The following PCDH10 variants were observed in gnomAD, a reference collection of about 807,000 sequenced individuals.
PCDH10 encodes the protein protocadherin-10.
Under a neutral mutation model 74.4 loss-of-function variants are expected in PCDH10, and 15 were observed. That is an observed-to-expected ratio of 0.20 (90% confidence interval 0.13 to 0.31). The LOEUF (loss-of-function observed/expected upper bound fraction) is 0.31, where lower values mean the gene tolerates loss of function less well. Ranked by LOEUF, PCDH10 falls within the 10% of genes least tolerant of loss-of-function variation. The pLI, the probability that PCDH10 is intolerant of heterozygous loss-of-function variation, is 1.00. For missense variants in PCDH10, 1,260 were observed against 1,390.2 expected, an observed-to-expected ratio of 0.91 and a Z score of 1.49; for synonymous variants, 619 against 589.8, an observed-to-expected ratio of 1.05 and a Z score of -0.72.
Position 133,152,300 on chromosome 4 carries a change from C to T in PCDH10, c.2160C>T (p.Ile720=). The T allele has an allele frequency of 6.2e-7, 1 of 1,614,170 alleles. No individual in the cohort carries two copies. Among genetic ancestry groups the T allele is most frequent in the Non-Finnish European group, 8.5e-7 (1 of 1,180,040 alleles). Reference sequence around the variant, plus strand: ...TAGACCTCACCCTCATCCTCATCATCGCGTTGGGCTCGGTGTCCTTCATCT... The same window carrying T: ...TAGACCTCACCCTCATCCTCATCATTGCGTTGGGCTCGGTGTCCTTCATCT... ...TSLDLTLILI[I]ALGSVSFIFL... Residue 720 remains isoleucine (I), a synonymous_variant, in exon 1 of 5, where the codon ATC becomes ATT. Coordinates refer to ENST00000264360, the MANE Select transcript of PCDH10 (RefSeq NM_032961.3).
At position 133,191,474 on chromosome 4, in the gene PCDH10, G is replaced by A. The variant is rs977704180; in HGVS notation, c.*1314G>A. On this transcript the variant is annotated 3_prime_UTR_variant, in exon 5 of 5. Transcript: ENST00000264360. The stretch of plus-strand genomic sequence containing the variant: ...AAATTTTATAGCTTAAATGTAGTCA[G>A]TGTTTGATTAATGAAAAAATTCTTC... 1 of 152,152 alleles carries A rather than the reference G, an allele frequency of 6.6e-6. No homozygotes were observed. Among genetic ancestry groups the A allele is most frequent in the Non-Finnish European group, 1.5e-5 (1 of 67,770 alleles). The allele number at this position is 152,152 out of a possible 1,614,324, so 9.4% of individuals were successfully genotyped here. A position where few individuals can be genotyped will look rare whatever the true frequency, so the allele number is the denominator to read the frequency against.
chr4:133,208,341 T>A (rs1373686866), exon 3 of PCDH10: 1 of 152,236 alleles, frequency 6.6e-6, no homozygotes, highest in East Asian at 1.9e-4. Flanking sequence ...TATATTGCCA[T>A]GTGGCAATAA....
chr4:133,172,240 A>C (rs894660185), intron 4 of PCDH10, among the ~76,000 whole-genome samples: 2 of 151,978 alleles, frequency 1.3e-5, no homozygotes, highest in Non-Finnish European at 2.9e-5. Flanking sequence ...TTTGCTTGTA[A>C]AAGATAAAGT....
At chr4:133,163,929 AC>A (rs1223134082) in intron 4 of PCDH10, 1 of 446,836 alleles carries the variant, frequency 2.2e-6, no homozygotes, top group Non-Finnish European at 4.5e-6. Flanking sequence ...ATGAAGTATA[AC>A]GTGAAAAGCA....
At chr4:133,153,680 AG>A (rs1726793515) in intron 1 of PCDH10, 1 of 35,248 alleles carries the variant, frequency 2.8e-5, no homozygotes, top group Non-Finnish European at 5.2e-5. Context: ...TGGGTGGTAG[AG>A]GTGGGGAGGC....
At chr4:133,198,004 T>A (rs144547343), downstream of PCDH10, among the ~76,000 whole-genome samples, 117 of 147,882 alleles carry the variant, frequency 7.9e-4, no homozygotes, top group African/African-American at 2.9e-3. Context: ...TGTGTGTGTG[T>A]GTGATTGGGA....
intron 2 of PCDH10, among the ~76,000 whole-genome samples, chr4:133,204,448 G>A (rs1455194894): frequency 2.0e-5 from 3 of 152,166 alleles, no homozygotes; most frequent in Non-Finnish European, 4.4e-5. Flanking sequence ...GTGCTGTGTT[G>A]TCACTACTTT....
At chr4:133,176,673 C>A (rs190591348) in intron 4 of PCDH10, among the ~76,000 whole-genome samples, 1 of 152,138 alleles carries the variant, frequency 6.6e-6, no homozygotes, top group African/African-American at 2.4e-5. Context: ...TTTTTCTGTT[C>A]CATTCAAGAA....
rs973577642 is a variant in PCDH10, at chr4:133,194,374, A to G, written c.*4214A>G. ...GAATGATGGAACTCAGACTTCCAAT[A>G]CATTCATACATGCTAGAGCTGAAAG... On this transcript the variant is annotated 3_prime_UTR_variant, in exon 5 of 5. Transcript: ENST00000264360. 1.3e-5 allele frequency: 2 copies of G among 151,834 alleles called. No individual in the cohort carries two copies. 9.4% of individuals were successfully genotyped at this position (151,834 alleles called of 1,614,324 possible). A position where few individuals can be genotyped will look rare whatever the true frequency, so the allele number is the denominator to read the frequency against.
rs1726742145 is a variant in PCDH10 at position 133,152,449 on chromosome 4, G to A, written c.2309G>A (p.Cys770Tyr). Residue 770 changes from cysteine to tyrosine, a missense_variant, in exon 1 of 5, where the codon TGC (cysteine) becomes TAC (tyrosine). By Grantham distance (194) the Cys-to-Tyr change is radical. This residue lies in a region of PCDH10 where 587 missense variants were observed against 616.9 expected (regional missense o/e 0.95). Transcript: ENST00000264360. ...TGCTGCGGTGGCGGAGGTTCGACCT[G>A]CTGTGGCCGCCAAGCCCGGGCGCGC... ...CCCCGGGGST[C>Y]CGRQARARKK... The A allele has an allele frequency of 1.9e-6, 3 of 1,614,010 alleles. No homozygotes were observed. The highest frequency in any genetic ancestry group is 1.3e-5 in the African/African-American group (1 of 74,930).
chr4:133,167,370 A>T (rs1343592683), intron 4 of PCDH10, among the ~76,000 whole-genome samples: 1 of 151,518 alleles, frequency 6.6e-6, no homozygotes, highest in Non-Finnish European at 1.5e-5. Flanking sequence ...TGAACTCAGT[A>T]GTGCAGTAAG....
rs780716389 is a variant in PCDH10 at position 133,163,251 on chromosome 4, T to C, written c.3072T>C (p.Asn1024=). 16 of 1,613,576 alleles carry C rather than the reference T, an allele frequency of 9.9e-6. No individual in the cohort carries two copies. Among genetic ancestry groups the C allele is most frequent in the Non-Finnish European group, 1.4e-5 (16 of 1,179,848 alleles). Reference sequence around the variant, plus strand: ...AGGAGCTGGATGGACTGCTGACTAATACGCGAGCGCCTTACAAACCACCAT... The same window carrying C: ...AGGAGCTGGATGGACTGCTGACTAACACGCGAGCGCCTTACAAACCACCAT... ...ERKELDGLLT[N]TRAPYKPPYL... Residue 1024 remains asparagine, a synonymous_variant, in exon 4 of 5, where the codon AAT becomes AAC. Coordinates refer to ENST00000264360, the MANE Select transcript of PCDH10 (RefSeq NM_032961.3).
intron 4 of PCDH10, among the ~76,000 whole-genome samples, chr4:133,188,665 G>GTTTTTTTTTTTTTTTT (rs1167321577): frequency 1.3e-5 from 1 of 74,664 alleles, no homozygotes; most frequent in African/African-American, 5.5e-5. Context: ...ACTGCTATGG[G>GTTTTTTTTTTTTTTTT]TTTTTTTTTT....
rs1026262309 is a variant in PCDH10 at position 133,192,912 on chromosome 4, G to C, written c.*2752G>C. The C allele has an allele frequency of 2.6e-5, 4 of 151,420 alleles. No individual in the cohort carries two copies. The East Asian group carries it at 7.7e-4, about 29-fold the overall frequency. The allele number at this position is 151,420 out of a possible 1,614,324, so 9.4% of individuals were successfully genotyped here. A position where few individuals can be genotyped will look rare whatever the true frequency, so the allele number is the denominator to read the frequency against. Reference sequence around the variant, plus strand: ...AATATATCAAGGAATTTTAGGATAGGTTTTCTCTTTAATCTGGTCATTCTA... The same window carrying C: ...AATATATCAAGGAATTTTAGGATAGCTTTTCTCTTTAATCTGGTCATTCTA... On this transcript the variant is annotated 3_prime_UTR_variant, in exon 5 of 5. Transcript: ENST00000264360.
chr4:133,150,087 G>A lies in PCDH10; in HGVS notation c.-54G>A. ...TTTTTTTTGTTTCGTGGTGGTGGGGGAGGTGATTGGGTGGCTGACTGGCTG... is the reference window on the plus strand; with the variant it reads ...TTTTTTTTGTTTCGTGGTGGTGGGGAAGGTGATTGGGTGGCTGACTGGCTG... On this transcript the variant is annotated 5_prime_UTR_variant, in exon 1 of 5. Transcript: ENST00000264360. 6.8e-7 allele frequency: 1 copy of A among 1,460,332 alleles called. No individual in the cohort carries two copies. The highest frequency in any genetic ancestry group is 9.1e-7 in the Non-Finnish European group (1 of 1,103,890). The allele number at this position is 1,460,332 out of a possible 1,614,324, so 90.5% of individuals were successfully genotyped here.
intron 2 of PCDH10, among the ~76,000 whole-genome samples, chr4:133,206,268 G>T (rs1389068247): frequency 6.6e-6 from 1 of 152,086 alleles, no homozygotes; most frequent in East Asian, 1.9e-4. Context: ...TTTGTATGAC[G>T]ATTGCACATT....
Position 133,190,759 on chromosome 4 carries a change from A to ATATAT in PCDH10, c.*610_*614dup, listed in dbSNP as rs1005647017. 5 of 149,780 alleles carry ATATAT rather than the reference A, an allele frequency of 3.3e-5. No homozygotes were observed. Among genetic ancestry groups the ATATAT allele is most frequent in the Non-Finnish European group, 7.4e-5 (5 of 67,432 alleles). The allele number at this position is 149,780 out of a possible 1,614,324, so 9.3% of individuals were successfully genotyped here. A position where few individuals can be genotyped will look rare whatever the true frequency, so the allele number is the denominator to read the frequency against. The stretch of plus-strand genomic sequence containing the variant: ...AAGCTTCTAAATAAATATAAAATAT[A>ATATAT]TATATTATATTATATAATTTTCCTA... On this transcript the variant is annotated 3_prime_UTR_variant, in exon 5 of 5. Transcript: ENST00000264360.
intron 4 of PCDH10, among the ~76,000 whole-genome samples, chr4:133,170,880 G>T (rs1727188665): frequency 6.6e-6 from 1 of 152,002 alleles, no homozygotes; most frequent in African/African-American, 2.4e-5. Flanking sequence ...TTTTAGTAGA[G>T]ACGAGGTGTC....
intron 4 of PCDH10, among the ~76,000 whole-genome samples, chr4:133,179,920 A>T (rs1280386907): frequency 3.9e-5 from 6 of 152,040 alleles, no homozygotes; most frequent in African/African-American, 1.4e-4. Flanking sequence ...CTCTACCCTG[A>T]CTTAGATAAA....
Sources: gnomAD v4.1 joint callset for allele counts (sites outside exome capture counted in the v4.1 genomes callset) on GRCh38, gnomAD v4.1.1 for gene constraint, gnomAD v4.1.1 regional missense constraint, MANE v1.5 for transcripts, NCBI Gene and HGNC (gene_info 2026-07-23, HGNC 2026-07-21) for gene names.